The following LMX1A variants were observed in gnomAD, a reference collection of about 807,000 sequenced individuals.
The protein encoded by LMX1A is LIM homeobox transcription factor 1-alpha.
A neutral mutation model predicts 49.1 loss-of-function variants in LMX1A; 15 were observed. The ratio of observed to expected loss-of-function variants is 0.31; its 90% CI spans 0.20 to 0.47. The LOEUF (loss-of-function observed/expected upper bound fraction) is 0.47, where lower values mean the gene tolerates loss of function less well. LMX1A is among the 20% of genes least tolerant of loss of function. The probability of loss-of-function intolerance (pLI) is 1.00; values close to 1 mark genes in which losing one functional copy is unlikely to be tolerated. For missense variants in LMX1A, 372 were observed against 475.8 expected (o/e 0.78, Z 2.03); for synonymous variants, 167 against 185.7 (o/e 0.90, Z 0.82).
In LMX1A at chr1:165,295,434, A is replaced by T. The variant is rs1233335849; in HGVS notation, c.264-45794T>A. Among the ~76,000 whole-genome samples, 7 of 147,920 alleles carry T rather than the reference A, an allele frequency of 4.7e-5. No homozygotes were observed. In the East Asian group the frequency reaches 1.4e-3, roughly 29 times the overall value. Reference sequence around the variant, plus strand: ...AATCAGATATAAATTAAAAATATTTATATTTTTATAATATATAAAATATAT... The same window carrying T: ...AATCAGATATAAATTAAAAATATTTTTATTTTTATAATATATAAAATATAT... On this transcript the variant is annotated intron_variant, in intron 3 of 8. Transcript: ENST00000342310.
At position 165,321,099 on chromosome 1, in the gene LMX1A, C is replaced by T. The variant is rs115156388; in HGVS notation, c.263+31977G>A. Among the ~76,000 whole-genome samples the T allele has an allele frequency of 5.0e-3, 763 of 152,252 alleles. 7 individuals carry two copies. The highest frequency in any genetic ancestry group is 0.017 in the African/African-American group (717 of 41,530). ...AGTACTGATACGTGCTACACATGGA[C>T]GAACCCTAAAAACATTATGCTGAGT... On this transcript the variant is annotated intron_variant, in intron 3 of 8. Coordinates refer to ENST00000342310, the MANE Select transcript of LMX1A (RefSeq NM_177398.4).
At chr1:165,350,715 A>G (rs1307531617) in intron 3 of LMX1A, among the ~76,000 whole-genome samples, 1 of 152,234 alleles carries the variant, frequency 6.6e-6, no homozygotes, top group African/African-American at 2.4e-5. Context: ...AAAAAGGAAT[A>G]AATTAATCTA....
intron 4 of LMX1A, among the ~76,000 whole-genome samples, chr1:165,246,267 A>G (rs893566653): frequency 6.6e-6 from 1 of 152,222 alleles, no homozygotes. Context: ...CTCTCAGTAG[A>G]GAGGCAAGCT....
At chr1:165,286,698 G>A (rs1465709499) in intron 3 of LMX1A, among the ~76,000 whole-genome samples, 3 of 152,108 alleles carry the variant, frequency 2.0e-5, no homozygotes, top group African/African-American at 7.2e-5. Flanking sequence ...TTTTACAGAT[G>A]AAGAAACTGA....
At chr1:165,292,085 A>C (rs34382424) in intron 3 of LMX1A, among the ~76,000 whole-genome samples, 2 of 147,636 alleles carry the variant, frequency 1.4e-5, no homozygotes, top group East Asian at 2.0e-4. Flanking sequence ...AAAAAAAAAA[A>C]CAATATGCTA....
intron 3 of LMX1A, among the ~76,000 whole-genome samples, chr1:165,292,153 T>C (rs1654495098): frequency 6.6e-6 from 1 of 151,636 alleles, no homozygotes; most frequent in Non-Finnish European, 1.5e-5. Context: ...GCAGTCTAAC[T>C]TACTTCTGGC....
At chr1:165,276,489 T>C (rs979376121) in intron 3 of LMX1A, among the ~76,000 whole-genome samples, 1 of 152,200 alleles carries the variant, frequency 6.6e-6, no homozygotes, top group Non-Finnish European at 1.5e-5. Flanking sequence ...ATAGCAATTC[T>C]CATTTCCAGC....
In LMX1A at chr1:165,257,604, A is replaced by G. The variant is rs181113003; in HGVS notation, c.264-7964T>C. On this transcript the variant is annotated intron_variant, in intron 3 of 8. Transcript: ENST00000342310. Reference sequence around the variant, plus strand: ...CAGCCAAGAGTCTACTGTGACTCCAAAGAGATTGGGAAACAAGACAAATCT... The same window carrying G: ...CAGCCAAGAGTCTACTGTGACTCCAGAGAGATTGGGAAACAAGACAAATCT... Among the ~76,000 whole-genome samples the G allele has an allele frequency of 1.4e-3, 209 of 152,326 alleles. 1 individual carries two copies. The highest frequency in any genetic ancestry group is 1.6e-3 in the Non-Finnish European group (109 of 68,040).
chr1:165,264,727 C>T (rs920336909), intron 3 of LMX1A, among the ~76,000 whole-genome samples: 1 of 152,174 alleles, frequency 6.6e-6, no homozygotes, highest in Non-Finnish European at 1.5e-5. Flanking sequence ...GAGGCAGAAG[C>T]AGGAGGAACG....
chr1:165,272,447 G>A (rs1385266858), intron 3 of LMX1A, among the ~76,000 whole-genome samples: 1 of 152,164 alleles, frequency 6.6e-6, no homozygotes, highest in Non-Finnish European at 1.5e-5. Context: ...AGTGGTGGAA[G>A]AGACCCTCAT....
At chr1:165,242,165 T>TC (rs1193481515) in intron 4 of LMX1A, among the ~76,000 whole-genome samples, 2 of 152,242 alleles carry the variant, frequency 1.3e-5, no homozygotes, top group Non-Finnish European at 2.9e-5. Context: ...CCAGGCACCA[T>TC]GTTAGGGCCA....
At chr1:165,349,707 G>A (rs552164122) in intron 3 of LMX1A, among the ~76,000 whole-genome samples, 4 of 152,216 alleles carry the variant, frequency 2.6e-5, no homozygotes, top group East Asian at 1.9e-4. Flanking sequence ...GAAGTCTTCC[G>A]ATGCATAGTT....
intron 3 of LMX1A, among the ~76,000 whole-genome samples, chr1:165,290,574 A>G (rs1654440661): frequency 6.6e-6 from 1 of 152,142 alleles, no homozygotes; most frequent in African/African-American, 2.4e-5. Flanking sequence ...TCACATCTAC[A>G]AAGATCTTTT....
At chr1:165,339,699 G>A (rs1360558640) in intron 3 of LMX1A, among the ~76,000 whole-genome samples, 1 of 152,182 alleles carries the variant, frequency 6.6e-6, no homozygotes, top group Non-Finnish European at 1.5e-5. Flanking sequence ...GCAGTGATCA[G>A]TTCTAACAAA....
intron 3 of LMX1A, among the ~76,000 whole-genome samples, chr1:165,333,077 T>G (rs1228811734): frequency 6.6e-6 from 1 of 152,202 alleles, no homozygotes; most frequent in Non-Finnish European, 1.5e-5. Context: ...AAGATTGTGG[T>G]GATAATTACA....
intron 3 of LMX1A, among the ~76,000 whole-genome samples, chr1:165,283,686 C>T (rs1016714190): frequency 2.6e-5 from 4 of 152,174 alleles, no homozygotes; most frequent in Non-Finnish European, 4.4e-5. Context: ...TTCTCCAACT[C>T]GAATGTAATT....
Position 165,330,815 on chromosome 1 carries a change from G to A in LMX1A, c.263+22261C>T, listed in dbSNP as rs141964036. Among the ~76,000 whole-genome samples the A allele has an allele frequency of 4.2e-4, 64 of 152,278 alleles. No homozygotes were observed. The East Asian group carries it at 0.011, about 27-fold the overall frequency. On this transcript the variant is annotated intron_variant, in intron 3 of 8. Coordinates refer to ENST00000342310, the MANE Select transcript of LMX1A (RefSeq NM_177398.4). ...GAAAGTGAGGGAATAAACCTGGAAAGACACAGAGAAGAGGAGCTCCAAATT... is the reference window on the plus strand; with the variant it reads ...GAAAGTGAGGGAATAAACCTGGAAAAACACAGAGAAGAGGAGCTCCAAATT...
chr1:165,354,298 C>T (rs528353131), intron 2 of LMX1A, among the ~76,000 whole-genome samples: 1 of 152,122 alleles, frequency 6.6e-6, no homozygotes, highest in South Asian at 2.1e-4. Context: ...GCTTTGGGAG[C>T]GGATGAGGAA....
chr1:165,310,366 G>A (rs998004597), intron 3 of LMX1A, among the ~76,000 whole-genome samples: 1 of 152,164 alleles, frequency 6.6e-6, no homozygotes, highest in Non-Finnish European at 1.5e-5. Context: ...GCAGGGTAAG[G>A]TGACAAAAAG....
Sources: allele counts gnomAD v4.1 joint callset (sites outside exome capture counted in the v4.1 genomes callset), GRCh38; gene constraint gnomAD v4.1.1; transcripts MANE v1.5; gene names NCBI Gene and HGNC (gene_info 2026-07-23, HGNC 2026-07-21).